DTNA: variants seen among roughly 807,000 people sequenced by gnomAD.
DTNA encodes dystrobrevin alpha, also known as dystrophin-related protein 3.
In DTNA, 43 loss-of-function variants were observed where a neutral mutation model predicts 100.7. The ratio of observed to expected loss-of-function variants is 0.43; its 90% CI spans 0.33 to 0.55. The LOEUF is 0.55. Among genes scored for constraint, DTNA ranks in the 20% least tolerant of loss-of-function variants. The probability of loss-of-function intolerance (pLI) is 0.04; values close to 1 mark genes in which losing one functional copy is unlikely to be tolerated. For missense variants in DTNA, 798 were observed against 953.9 expected (o/e 0.84, Z 2.15); for synonymous variants, 349 against 347.9 (o/e 1.00, Z -0.04).
At chr18:34,617,129 T>A (rs566624882) in intron 1 of DTNA, among the ~76,000 whole-genome samples, 1 of 152,284 alleles carries the variant, frequency 6.6e-6, no homozygotes, top group East Asian at 1.9e-4. Context: ...TCTTGCCTGA[T>A]TGCTTTGGCT....
chr18:34,885,624 A>G (rs1438273674), intron 22 of DTNA, among the ~76,000 whole-genome samples: 2 of 152,346 alleles, frequency 1.3e-5, no homozygotes, highest in East Asian at 3.9e-4. Flanking sequence ...CTCATAGAAG[A>G]GGCTGGTATT....
chr18:34,776,928 T>C (rs2094087205), intron 3 of DTNA, among the ~76,000 whole-genome samples: 1 of 152,234 alleles, frequency 6.6e-6, no homozygotes, highest in Non-Finnish European at 1.5e-5. Flanking sequence ...GCCTTAGCAC[T>C]GGCTGTTCCC....
At chr18:34,516,046 A>T (rs1173128552) in intron 1 of DTNA, among the ~76,000 whole-genome samples, 3 of 152,078 alleles carry the variant, frequency 2.0e-5, no homozygotes, top group Non-Finnish European at 4.4e-5. Context: ...ATTTTAACTA[A>T]TACAGTGAAT....
chr18:34,870,996 A>G (rs1217843260), intron 17 of DTNA, among the ~76,000 whole-genome samples: 2 of 152,260 alleles, frequency 1.3e-5, no homozygotes, highest in Non-Finnish European at 2.9e-5. Context: ...CAGTGAATTT[A>G]TATTGGAAGA....
At chr18:34,670,595 G>T (rs533658623) in intron 1 of DTNA, among the ~76,000 whole-genome samples, 1 of 152,174 alleles carries the variant, frequency 6.6e-6, no homozygotes, top group Non-Finnish European at 1.5e-5. Flanking sequence ...TACAGATGGG[G>T]TTTTGGTGTG....
At chr18:34,687,888 G>A (rs1172319978) in intron 1 of DTNA, among the ~76,000 whole-genome samples, 3 of 152,066 alleles carry the variant, frequency 2.0e-5, no homozygotes, top group Non-Finnish European at 4.4e-5. Context: ...TTAACATTAT[G>A]TAATGCCCTT....
At chr18:34,514,205 T>C (rs1367187804) in intron 1 of DTNA, among the ~76,000 whole-genome samples, 7 of 152,102 alleles carry the variant, frequency 4.6e-5, no homozygotes, top group African/African-American at 1.7e-4. Flanking sequence ...ATCAGCTCTT[T>C]GTGTGCATGT....
At chr18:34,517,185 G>A (rs1241285307) in intron 1 of DTNA, among the ~76,000 whole-genome samples, 1 of 152,126 alleles carries the variant, frequency 6.6e-6, no homozygotes, top group South Asian at 2.1e-4. Flanking sequence ...AACCAAAGCA[G>A]CTGCTACTGC....
At chr18:34,503,783 C>T (rs1419884836) in intron 1 of DTNA, among the ~76,000 whole-genome samples, 1 of 150,760 alleles carries the variant, frequency 6.6e-6, no homozygotes, top group Admixed American at 6.6e-5. Flanking sequence ...TACAGAATTC[C>T]ACTTCTATAT....
intron 1 of DTNA, among the ~76,000 whole-genome samples, chr18:34,601,529 T>A (rs2051824190): frequency 6.6e-6 from 1 of 152,204 alleles, no homozygotes; most frequent in South Asian, 2.1e-4. Flanking sequence ...GGAATATTTA[T>A]GTAGAGCTCT....
chr18:34,681,912 TC>T (rs900245270), intron 1 of DTNA, among the ~76,000 whole-genome samples: 2 of 152,174 alleles, frequency 1.3e-5, no homozygotes, highest in Non-Finnish European at 2.9e-5. Context: ...CACTGTGGTG[TC>T]ATACAGAATA....
At chr18:34,624,407 G>A (rs754743802) in intron 1 of DTNA, among the ~76,000 whole-genome samples, 4 of 152,106 alleles carry the variant, frequency 2.6e-5, no homozygotes, top group Non-Finnish European at 4.4e-5. Flanking sequence ...TTTTGATATA[G>A]CAACTGCCCC....
intron 1 of DTNA, among the ~76,000 whole-genome samples, chr18:34,637,714 C>A (rs1433118303): frequency 1.3e-5 from 2 of 152,120 alleles, no homozygotes; most frequent in African/African-American, 4.8e-5. Flanking sequence ...TTTGTATTAT[C>A]CCAGCTTATG....
At chr18:34,768,359 A>G (rs2093599340) in intron 3 of DTNA, among the ~76,000 whole-genome samples, 1 of 152,158 alleles carries the variant, frequency 6.6e-6, no homozygotes, top group African/African-American at 2.4e-5. Context: ...AAGGAAAAGG[A>G]AAAGGAAAGG....
chr18:34,576,438 T>G (rs2048120832), intron 1 of DTNA, among the ~76,000 whole-genome samples: 1 of 152,134 alleles, frequency 6.6e-6, no homozygotes, highest in Non-Finnish European at 1.5e-5. Context: ...TTGTGATATA[T>G]TTTTGTTTTT....
At chr18:34,685,115 G>A (rs965089934) in intron 1 of DTNA, among the ~76,000 whole-genome samples, 1 of 152,180 alleles carries the variant, frequency 6.6e-6, no homozygotes, top group African/African-American at 2.4e-5. Flanking sequence ...TCTGCTGATA[G>A]TTTCTTTTAC....
chr18:34,585,196 G>T (rs1415730359), intron 1 of DTNA, among the ~76,000 whole-genome samples: 2 of 151,834 alleles, frequency 1.3e-5, no homozygotes, highest in Non-Finnish European at 2.9e-5. Flanking sequence ...GAGGCAAAGA[G>T]CAGTCCTAGG....
intron 17 of DTNA, chr18:34,866,927 A>G (rs2096711571): frequency 6.9e-6 from 8 of 1,153,868 alleles, no homozygotes; most frequent in Non-Finnish European, 8.5e-6. Flanking sequence ...CCTAAACTGG[A>G]GCTGTCTGAA....
intron 15 of DTNA, among the ~76,000 whole-genome samples, chr18:34,857,897 G>A (rs757278465): frequency 2.6e-5 from 4 of 152,114 alleles, no homozygotes; most frequent in South Asian, 2.1e-4. Flanking sequence ...GAGTGTGATC[G>A]TAAATAACAG....
Sources: allele counts gnomAD v4.1 joint callset (sites outside exome capture counted in the v4.1 genomes callset), GRCh38; gene constraint gnomAD v4.1.1; transcripts MANE v1.5; gene names NCBI Gene and HGNC (gene_info 2026-07-23, HGNC 2026-07-21).